Variants in RBM19 observed in about 807,000 individuals in gnomAD.
RBM19 encodes the protein RNA binding motif protein 19.
In RBM19, 94 loss-of-function variants were observed where a neutral mutation model predicts 116.8. That is an observed-to-expected ratio of 0.80 (90% CI 0.68 to 0.95). RBM19 has a LOEUF of 0.95. Ranked by LOEUF, RBM19 falls within the 40% of genes least tolerant of loss-of-function variation. The pLI is 0.00. For missense variants in RBM19, 1,161 were observed against 1,220.7 expected (o/e 0.95, Z 0.73); for synonymous variants, 475 against 494.1 (o/e 0.96, Z 0.51).
rs1173786587 is a variant in RBM19, at chr12:113,936,231, T to C, written c.2068+776A>G. On this transcript the variant is annotated intron_variant, in intron 16 of 23. Coordinates refer to ENST00000261741, the MANE Select transcript of RBM19 (RefSeq NM_016196.4). ...TTGCTGTATTGTGGGTGTGTATAGG[T>C]GAGTGGTTATTACTGACAAGGAAAA... Among the ~76,000 whole-genome samples, 7 of 152,064 alleles carry C rather than the reference T, an allele frequency of 4.6e-5. No individual in the cohort carries two copies. The East Asian group carries it at 1.4e-3, about 29-fold the overall frequency.
intron 8 of RBM19, among the ~76,000 whole-genome samples, chr12:113,951,649 T>G (rs1871475305): frequency 6.6e-6 from 1 of 152,188 alleles, no homozygotes; most frequent in Admixed American, 6.5e-5. Flanking sequence ...CCTGACCTCA[T>G]CCTGCCCTGT....
At chr12:113,939,740 ACT>A (rs1870384588) in intron 15 of RBM19, among the ~76,000 whole-genome samples, 1 of 144,882 alleles carries the variant, frequency 6.9e-6, no homozygotes, top group South Asian at 2.2e-4. Context: ...ACAGAGCAAG[ACT>A]CTGTCTCAAA....
chr12:113,954,685 G>A (rs965598679), intron 7 of RBM19, among the ~76,000 whole-genome samples: 1 of 152,208 alleles, frequency 6.6e-6, no homozygotes, highest in African/African-American at 2.4e-5. Context: ...AGACCCAAAG[G>A]CAGCAAACTA....
In RBM19 at chr12:113,940,156, G is replaced by A. The variant is rs2135906057; in HGVS notation, c.1742C>T (p.Ala581Val). ...AATCACAGTCTTGCTTCGCTCTGCT[G>A]CAGCCTGCAAAGAGGAAATGCACAC... ...GVSLDSFSQA[A>V]AERSKTVILV... Residue 581 changes from alanine to valine, a missense_variant, in exon 15 of 24, where the codon GCA becomes GTA. By Grantham distance (64) the Ala-to-Val change is moderately conservative. Transcript: ENST00000261741. 6.2e-7 allele frequency: 1 copy of A among 1,612,620 alleles called. No individual in the cohort carries two copies. The highest frequency in any genetic ancestry group is 1.7e-5 in the Admixed American group (1 of 59,994).
chr12:113,949,568 G>A (rs891041004), intron 9 of RBM19, among the ~76,000 whole-genome samples: 1 of 152,136 alleles, frequency 6.6e-6, no homozygotes, highest in Non-Finnish European at 1.5e-5. Context: ...TGGGGTTGAT[G>A]GCTGGATTCA....
Position 113,888,138 on chromosome 12 carries a change from C to T in RBM19, c.2558+26831G>A, listed in dbSNP as rs369776895. 7.2e-5 allele frequency among the ~76,000 whole-genome samples: 11 copies of T among 152,318 alleles called. No homozygotes were observed. The South Asian group carries it at 1.2e-3, about 17-fold the overall frequency. On this transcript the variant is annotated intron_variant, in intron 21 of 23. Coordinates refer to ENST00000261741, the MANE Select transcript of RBM19 (RefSeq NM_016196.4). ...CAACCATCAGAAAGCTGGAGAAAGA[C>T]AGCGAGAGAACAGAATGCTGCTCTA...
chr12:113,957,730 G>GC (rs1305815474), intron 6 of RBM19, 52 bp downstream of exon 6: 13 of 1,520,632 alleles, frequency 8.5e-6, no homozygotes, highest in African/African-American at 6.9e-5. Flanking sequence ...GGGACCACGG[G>GC]CAAGCAGGAG....
chr12:113,885,552 C>T (rs1880455840), intron 21 of RBM19, among the ~76,000 whole-genome samples: 1 of 152,148 alleles, frequency 6.6e-6, no homozygotes, highest in Non-Finnish European at 1.5e-5. Context: ...GATAAGATAA[C>T]ATTGTCTCTA....
chr12:113,830,963 T>C (rs1444055916), intron 23 of RBM19, among the ~76,000 whole-genome samples: 1 of 152,112 alleles, frequency 6.6e-6, no homozygotes, highest in African/African-American at 2.4e-5. Context: ...AGGAATATGA[T>C]GGCATCAAAC....
At chr12:113,849,987 C>T (rs936088692) in intron 22 of RBM19, among the ~76,000 whole-genome samples, 2 of 152,188 alleles carry the variant, frequency 1.3e-5, no homozygotes, top group Admixed American at 6.5e-5. Flanking sequence ...GTACCTCCCC[C>T]TCCCTGCAGG....
At chr12:113,830,710 G>A (rs1172298886) in intron 23 of RBM19, among the ~76,000 whole-genome samples, 4 of 152,118 alleles carry the variant, frequency 2.6e-5, no homozygotes, top group Non-Finnish European at 5.9e-5. Flanking sequence ...TCACTGCAGA[G>A]GGAAAAGGGA....
At chr12:113,908,681 G>A (rs944778789) in intron 21 of RBM19, among the ~76,000 whole-genome samples, 3 of 145,908 alleles carry the variant, frequency 2.1e-5, no homozygotes, top group Non-Finnish European at 4.5e-5. Flanking sequence ...AGACATCCCT[G>A]ACCCATGGCA....
intron 17 of RBM19, among the ~76,000 whole-genome samples, chr12:113,925,304 G>C (rs946740364): frequency 1.3e-5 from 2 of 152,174 alleles, no homozygotes; most frequent in Non-Finnish European, 2.9e-5. Context: ...GAGCAATGGG[G>C]AAGCCCAGGG....
At chr12:113,942,524 G>T in intron 13 of RBM19, 90 bp from the exon 14 acceptor site, 1 of 1,084,904 alleles carries the variant, frequency 9.2e-7, no homozygotes, top group Non-Finnish European at 1.3e-6. Flanking sequence ...AGAGGAGGCT[G>T]GGATGGAAAT....
chr12:113,925,241 C>T (rs1379900561), intron 17 of RBM19, among the ~76,000 whole-genome samples: 4 of 152,148 alleles, frequency 2.6e-5, no homozygotes, highest in Non-Finnish European at 5.9e-5. Flanking sequence ...ACGTCTTCAG[C>T]ACTACACACA....
rs7952991 is a variant in RBM19, at chr12:113,913,786, C to T, written c.2558+1183G>A. 8.7e-3 allele frequency among the ~76,000 whole-genome samples: 1,318 copies of T among 152,340 alleles called. 13 individuals carry two copies. Among genetic ancestry groups the T allele is most frequent in the African/African-American group, 0.03 (1,255 of 41,590 alleles). ...GCAAGTGTAGAATGAACGAACGAGACCTAGTGTCTAGAATCCTAAATGTTC... is the reference window on the plus strand; with the variant it reads ...GCAAGTGTAGAATGAACGAACGAGATCTAGTGTCTAGAATCCTAAATGTTC... On this transcript the variant is annotated intron_variant, in intron 21 of 23. Coordinates refer to ENST00000261741, the MANE Select transcript of RBM19 (RefSeq NM_016196.4).
At chr12:113,912,622 G>C (rs576937737) in intron 21 of RBM19, among the ~76,000 whole-genome samples, 2 of 152,330 alleles carry the variant, frequency 1.3e-5, no homozygotes, top group South Asian at 4.1e-4. Context: ...GCTGCTGTGC[G>C]GCTTAAAAGA....
chr12:113,920,658 C>T lies in RBM19; in HGVS notation c.2338G>A (p.Glu780Lys), dbSNP rs767507902. 4 of 1,614,122 alleles carry T rather than the reference C, an allele frequency of 2.5e-6. No individual in the cohort carries two copies. The highest frequency in any genetic ancestry group is 1.1e-5 in the South Asian group (1 of 91,074). Residue 780 changes from glutamate to lysine, a missense_variant, in exon 19 of 24, where the codon GAA (glutamate) becomes AAA (lysine). Glu to Lys is a moderately conservative substitution (Grantham distance 56). Coordinates refer to ENST00000261741, the MANE Select transcript of RBM19 (RefSeq NM_016196.4). ...TGGGCTTGCTCCGGCTTCCTGTATT[C>T]CACAAATCCAAACCCCATGGAAAGG... is the stretch of plus-strand genomic sequence containing the variant. The part of the protein sequence containing the change: ...VLLSMGFGFV[E>K]YRKPEQAQKA...
At chr12:113,870,694 T>C (rs1168119387) in intron 21 of RBM19, among the ~76,000 whole-genome samples, 1 of 151,816 alleles carries the variant, frequency 6.6e-6, no homozygotes, top group Non-Finnish European at 1.5e-5. Context: ...CACAGGTGGG[T>C]AGGTAGAAAG....
Sources: allele counts gnomAD v4.1 joint callset (sites outside exome capture counted in the v4.1 genomes callset), GRCh38; gene constraint gnomAD v4.1.1; transcripts MANE v1.5; gene names NCBI Gene and HGNC (gene_info 2026-07-23, HGNC 2026-07-21).